SLC44A5: variants seen among roughly 807,000 people sequenced by gnomAD.
SLC44A5 encodes solute carrier family 44 member 5, also known as choline transporter-like protein 5.
A neutral mutation model predicts 101.8 loss-of-function variants in SLC44A5; 57 were observed. The observed-to-expected ratio is 0.56, with a 90% CI of 0.45 to 0.70. The LOEUF is 0.70. Ranked by LOEUF, SLC44A5 falls within the 30% of genes least tolerant of loss-of-function variation. The probability of loss-of-function intolerance (pLI) is 0.00; values close to 1 mark genes in which losing one functional copy is unlikely to be tolerated. For missense variants in SLC44A5, 737 were observed against 853.1 expected (o/e 0.86, Z 1.70); for synonymous variants, 281 against 290.9 (o/e 0.97, Z 0.35).
At chr1:75,439,760 A>C (rs1570280886) in intron 2 of SLC44A5, among the ~76,000 whole-genome samples, 2 of 152,320 alleles carry the variant, frequency 1.3e-5, no homozygotes, top group East Asian at 3.9e-4. Flanking sequence ...GAGAAAATGG[A>C]GAAAAGGCAA....
chr1:75,680,401 A>G, the SLC44A5 span, among the ~76,000 whole-genome samples: 13 of 152,320 alleles, frequency 8.5e-5, no homozygotes, highest in South Asian at 2.7e-3. Context: ...CAGAAATTAT[A>G]ACAAACTATC....
chr1:75,677,581 C>A, the SLC44A5 span: 1 of 280,448 alleles, frequency 3.6e-6, no homozygotes, highest in Non-Finnish European at 7.0e-6. Flanking sequence ...AAGAAAATGC[C>A]ACAAAACAAC....
At chr1:75,310,562 G>A (rs1202115113) in intron 4 of SLC44A5, among the ~76,000 whole-genome samples, 2 of 152,160 alleles carry the variant, frequency 1.3e-5, no homozygotes, top group Non-Finnish European at 2.9e-5. Flanking sequence ...GAGAAAATAT[G>A]ATTTGGAATG....
chr1:75,571,090 G>A (rs1008653940), intron 1 of SLC44A5, among the ~76,000 whole-genome samples: 1 of 152,122 alleles, frequency 6.6e-6, no homozygotes, highest in Non-Finnish European at 1.5e-5. Context: ...CACCACAAGC[G>A]CTAATAATCC....
intron 2 of SLC44A5, among the ~76,000 whole-genome samples, chr1:75,435,758 A>T (rs1664853519): frequency 6.6e-6 from 1 of 152,148 alleles, no homozygotes; most frequent in Non-Finnish European, 1.5e-5. Flanking sequence ...CCTCATAAAA[A>T]ATAAAAAGAT....
chr1:75,581,748 G>A (rs1416355461), intron 1 of SLC44A5, among the ~76,000 whole-genome samples: 1 of 152,140 alleles, frequency 6.6e-6, no homozygotes, highest in African/African-American at 2.4e-5. Context: ...ACAGAAATCA[G>A]TGAATCCTCA....
chr1:75,297,688 A>AT (rs762687957), intron 5 of SLC44A5, among the ~76,000 whole-genome samples: 4 of 152,046 alleles, frequency 2.6e-5, no homozygotes, highest in Non-Finnish European at 5.9e-5. Flanking sequence ...AAATATTCCT[A>AT]TTTTTTTTCT....
chr1:75,575,182 C>G (rs576070057), intron 1 of SLC44A5, among the ~76,000 whole-genome samples: 4 of 152,324 alleles, frequency 2.6e-5, no homozygotes, highest in South Asian at 2.1e-4. Flanking sequence ...GTCACACATA[C>G]TTTCGATGCA....
intron 3 of SLC44A5, among the ~76,000 whole-genome samples, chr1:75,393,118 T>C (rs1329054871): frequency 6.6e-6 from 1 of 152,152 alleles, no homozygotes; most frequent in East Asian, 1.9e-4. Flanking sequence ...TCATGCAATA[T>C]ACTCTTGTAA....
intron 5 of SLC44A5, among the ~76,000 whole-genome samples, chr1:75,277,931 G>C (rs1327515963): frequency 1.3e-5 from 2 of 151,894 alleles, no homozygotes; most frequent in Non-Finnish European, 2.9e-5. Flanking sequence ...ACAAAAAAGA[G>C]GAAAAAAAGG....
chr1:75,619,147 A>T, the SLC44A5 span, among the ~76,000 whole-genome samples: 1 of 146,960 alleles, frequency 6.8e-6, no homozygotes, highest in Middle Eastern at 3.5e-3. Flanking sequence ...GGAAGGAGGC[A>T]GGGAGTGAGA....
At chr1:75,271,497 T>TTTTTTTTTTTTTGTG (rs1553152601) in intron 6 of SLC44A5, among the ~76,000 whole-genome samples, 20 of 146,400 alleles carry the variant, frequency 1.4e-4, no homozygotes, top group African/African-American at 5.1e-4. Flanking sequence ...TCTGCATGTT[T>TTTTTTTTTTTTTGTG]TGTGTGTGTG....
intron 3 of SLC44A5, among the ~76,000 whole-genome samples, chr1:75,359,277 C>G (rs1266271128): frequency 1.4e-4 from 19 of 136,784 alleles, no homozygotes; most frequent in Non-Finnish European, 2.5e-4. Context: ...CTCTGTCACT[C>G]AGGCTGGAGT....
chr1:75,273,618 C>A (rs1446714794), intron 6 of SLC44A5, among the ~76,000 whole-genome samples: 1 of 152,110 alleles, frequency 6.6e-6, no homozygotes, highest in Non-Finnish European at 1.5e-5. Flanking sequence ...GCTTTTTCTG[C>A]ATCTATTGAG....
At position 75,203,028 on chromosome 1, in the gene SLC44A5, A is replaced by G. The variant is rs750946031; in HGVS notation, c.*699T>C. ...AGAGCAAAATGACAAATGTTTTCCA[A>G]TCAGTGAGCTAAGAGTGAAACAAAT... On this transcript the variant is annotated 3_prime_UTR_variant, in exon 24 of 24. Transcript: ENST00000370859. The G allele has an allele frequency of 6.6e-5, 10 of 152,212 alleles. No individual in the cohort carries two copies. Among genetic ancestry groups the G allele is most frequent in the African/African-American group, 2.4e-4 (10 of 41,470 alleles). The allele number at this position is 152,212 out of a possible 1,614,324, so 9.4% of individuals were successfully genotyped here.
At chr1:75,209,640 G>A (rs1009792458) in intron 23 of SLC44A5, among the ~76,000 whole-genome samples, 18 of 152,132 alleles carry the variant, frequency 1.2e-4, no homozygotes, top group African/African-American at 3.9e-4. Flanking sequence ...ATTGAGAATT[G>A]ATTTTAACAG....
At chr1:75,419,117 C>G (rs1231299238) in intron 2 of SLC44A5, among the ~76,000 whole-genome samples, 1 of 151,948 alleles carries the variant, frequency 6.6e-6, no homozygotes, top group Non-Finnish European at 1.5e-5. Context: ...GGCAAAATAT[C>G]AAGAATCTAA....
chr1:75,570,978 C>T (rs1673044141), intron 1 of SLC44A5, among the ~76,000 whole-genome samples: 3 of 152,140 alleles, frequency 2.0e-5, no homozygotes. Flanking sequence ...AGCCCCCAGT[C>T]AGTTTCATTC....
chr1:75,605,351 A>G (rs934783887), intron 1 of SLC44A5, among the ~76,000 whole-genome samples: 2 of 152,036 alleles, frequency 1.3e-5, no homozygotes, highest in Non-Finnish European at 2.9e-5. Flanking sequence ...TAGAGTTATT[A>G]AGAATGAGAA....
Sources: allele counts gnomAD v4.1 joint callset (sites outside exome capture counted in the v4.1 genomes callset), GRCh38; gene constraint gnomAD v4.1.1; transcripts MANE v1.5; gene names NCBI Gene and HGNC (gene_info 2026-07-23, HGNC 2026-07-21).